TLN2: variants seen among roughly 807,000 people sequenced by gnomAD.
The protein encoded by TLN2 is talin-2.
TLN2 carries 118 observed loss-of-function variants against 294.7 expected under a neutral mutation model. That is an observed-to-expected ratio of 0.40 (90% CI 0.34 to 0.47). TLN2 has a LOEUF of 0.47. Among genes scored for constraint, TLN2 ranks in the 20% least tolerant of loss-of-function variants. The probability of loss-of-function intolerance (pLI) is 0.84; values close to 1 mark genes in which losing one functional copy is unlikely to be tolerated. For synonymous variants in TLN2, 1,431 were observed against 1,304.5 expected (o/e 1.10, Z -2.09); for missense variants, 3,083 against 3,282.2 (o/e 0.94, Z 1.48).
chr15:62,696,332 T>C (rs1361368536), intron 14 of TLN2, among the ~76,000 whole-genome samples: 1 of 152,236 alleles, frequency 6.6e-6, no homozygotes, highest in Non-Finnish European at 1.5e-5. Context: ...GAGGAACATA[T>C]GCCACCCTCA....
At chr15:62,632,316 T>A (rs2049979353) in intron 3 of TLN2, among the ~76,000 whole-genome samples, 1 of 152,212 alleles carries the variant, frequency 6.6e-6, no homozygotes, top group African/African-American at 2.4e-5. Context: ...GGCCCCAGAA[T>A]AATCTTGGAG....
At chr15:62,638,717 A>C in intron 3 of TLN2, 2 of 433,338 alleles carry the variant, frequency 4.6e-6, no homozygotes, top group South Asian at 3.3e-5. Context: ...AGAAATGCTG[A>C]CTTCTCCCCA....
At chr15:62,826,142 A>G (rs983495324) in intron 54 of TLN2, among the ~76,000 whole-genome samples, 1 of 151,734 alleles carries the variant, frequency 6.6e-6, no homozygotes, top group African/African-American at 2.4e-5. Context: ...TAGGGAGTTT[A>G]TCTGATACAG....
At chr15:62,761,478 T>G (rs2062664501) in intron 37 of TLN2, among the ~76,000 whole-genome samples, 1 of 152,126 alleles carries the variant, frequency 6.6e-6, no homozygotes, top group Admixed American at 6.5e-5. Flanking sequence ...AGCTACACAT[T>G]TAATTCTCCA....
At chr15:62,685,651 C>T (rs2057227145) in intron 11 of TLN2, among the ~76,000 whole-genome samples, 1 of 152,080 alleles carries the variant, frequency 6.6e-6, no homozygotes. Flanking sequence ...AATAAGAAAC[C>T]TTAGCTATTT....
At chr15:62,469,341 A>G (rs1009899484) in intron 1 of TLN2, among the ~76,000 whole-genome samples, 1 of 152,248 alleles carries the variant, frequency 6.6e-6, no homozygotes, top group Non-Finnish European at 1.5e-5. Flanking sequence ...ATCAGAAGAC[A>G]AAGTGTGTGA....
intron 40 of TLN2, among the ~76,000 whole-genome samples, chr15:62,766,087 A>C (rs2062985790): frequency 6.6e-6 from 1 of 152,214 alleles, no homozygotes; most frequent in Admixed American, 6.5e-5. Context: ...CAGGGTTGAC[A>C]GGAGCAAGAA....
chr15:62,773,405 G>A (rs1383552700), intron 42 of TLN2, among the ~76,000 whole-genome samples: 1 of 152,026 alleles, frequency 6.6e-6, no homozygotes, highest in Admixed American at 6.5e-5. Context: ...AGTAAAACAC[G>A]ATGAGTGAAG....
chr15:62,397,836 C>T (rs2032683211), intron 1 of TLN2, among the ~76,000 whole-genome samples: 1 of 152,174 alleles, frequency 6.6e-6, no homozygotes, highest in Non-Finnish European at 1.5e-5. Context: ...TGTGGATCAC[C>T]CAGAGAGGGC....
intron 17 of TLN2, 37 bp from the exon 18 acceptor site, chr15:62,701,955 G>A (rs764817615): frequency 6.2e-7 from 1 of 1,608,038 alleles, no homozygotes; most frequent in Non-Finnish European, 8.5e-7. Flanking sequence ...AGAACCATGT[G>A]CCCTCCTTTG....
chr15:62,436,025 C>G (rs967164215), intron 1 of TLN2, among the ~76,000 whole-genome samples: 1 of 152,212 alleles, frequency 6.6e-6, no homozygotes, highest in Non-Finnish European at 1.5e-5. Flanking sequence ...GCCTTCTCCA[C>G]TCTATCAGGA....
At chr15:62,559,664 T>C (rs149442558) in intron 1 of TLN2, among the ~76,000 whole-genome samples, 1 of 152,312 alleles carries the variant, frequency 6.6e-6, no homozygotes, top group East Asian at 1.9e-4. Flanking sequence ...CAAGGCTCTT[T>C]GGTGGCAATG....
chr15:62,430,563 T>G (rs2034957898), intron 1 of TLN2, among the ~76,000 whole-genome samples: 1 of 152,212 alleles, frequency 6.6e-6, no homozygotes, highest in Admixed American at 6.5e-5. Flanking sequence ...ACCACATTTT[T>G]GGGGATGGTG....
At chr15:62,764,804 CA>C (rs2141029729) in intron 40 of TLN2, among the ~76,000 whole-genome samples, 1 of 151,638 alleles carries the variant, frequency 6.6e-6, no homozygotes, top group South Asian at 2.1e-4. Context: ...CCATCTCTAC[CA>C]AAAATACAAA....
chr15:62,573,812 C>T (rs1304503053), intron 1 of TLN2, among the ~76,000 whole-genome samples: 3 of 151,798 alleles, frequency 2.0e-5, no homozygotes, highest in Non-Finnish European at 4.4e-5. Flanking sequence ...GGAGCCCTCC[C>T]CAGAACACTG....
At chr15:62,593,351 C>G (rs1161026012) in intron 2 of TLN2, among the ~76,000 whole-genome samples, 5 of 152,228 alleles carry the variant, frequency 3.3e-5, no homozygotes. Context: ...TGGACCTAGG[C>G]TGCGCTCCTC....
At chr15:62,823,914 A>G (rs758850433) in intron 54 of TLN2, 6 of 513,822 alleles carry the variant, frequency 1.2e-5, no homozygotes, top group African/African-American at 9.7e-5. Flanking sequence ...AACCTTCAAT[A>G]CTGTGCCTAG....
intron 28 of TLN2, among the ~76,000 whole-genome samples, chr15:62,729,929 C>A (rs1264864191): frequency 1.3e-5 from 2 of 151,372 alleles, no homozygotes; most frequent in East Asian, 1.9e-4. Flanking sequence ...TTTATGATTT[C>A]TTTAAATCTA....
intron 32 of TLN2, among the ~76,000 whole-genome samples, chr15:62,743,974 G>T (rs2061475831): frequency 6.6e-6 from 1 of 152,172 alleles, no homozygotes; most frequent in Non-Finnish European, 1.5e-5. Context: ...CCCAAAGACT[G>T]TGAAGATGGA....
Sources: allele counts gnomAD v4.1 joint callset (sites outside exome capture counted in the v4.1 genomes callset), GRCh38; gene constraint gnomAD v4.1.1; transcripts MANE v1.5; gene names NCBI Gene and HGNC (gene_info 2026-07-23, HGNC 2026-07-21).